The following NTRK2 variants were observed in gnomAD, a reference collection of about 807,000 sequenced individuals.
NTRK2 encodes the protein neurotrophic receptor tyrosine kinase 2.
A neutral mutation model predicts 94.5 loss-of-function variants in NTRK2; 13 were observed. That is an observed-to-expected ratio of 0.14 (90% CI 0.09 to 0.22). The LOEUF (loss-of-function observed/expected upper bound fraction) is 0.22. NTRK2 is among the 10% of genes least tolerant of loss of function. The pLI is 1.00. For missense variants in NTRK2, 639 were observed against 1,071.2 expected (o/e 0.60, Z 5.63); for synonymous variants, 372 against 407.4 (o/e 0.91, Z 1.05).
chr9:84,791,792 T>A (rs781222749), intron 12 of NTRK2, among the ~76,000 whole-genome samples: 16 of 152,252 alleles, frequency 1.1e-4, no homozygotes, highest in Non-Finnish European at 1.9e-4. Flanking sequence ...TTTTTTAGAA[T>A]GATCTCTGAA....
intron 14 of NTRK2, among the ~76,000 whole-genome samples, chr9:84,907,409 G>C (rs989685504): frequency 1.3e-5 from 2 of 152,132 alleles, no homozygotes; most frequent in Admixed American, 1.3e-4. Context: ...TTGGCATTTT[G>C]GTAAAAATGG....
intron 17 of NTRK2, among the ~76,000 whole-genome samples, chr9:84,997,190 T>C (rs920925713): frequency 1.3e-5 from 2 of 152,076 alleles, no homozygotes; most frequent in African/African-American, 4.8e-5. Flanking sequence ...CAGGTAGGTA[T>C]AGGGTTGGGC....
intron 12 of NTRK2, among the ~76,000 whole-genome samples, chr9:84,840,565 C>A (rs118016616): frequency 0.016 from 2,436 of 152,204 alleles, 15 homozygotes; most frequent in Non-Finnish European, 0.024. Flanking sequence ...TGTCCACTCT[C>A]TTTCCTGCAG....
At chr9:84,728,237 C>T (rs2062599926) in intron 9 of NTRK2, among the ~76,000 whole-genome samples, 1 of 152,120 alleles carries the variant, frequency 6.6e-6, no homozygotes, top group East Asian at 1.9e-4. Flanking sequence ...CTTCCTAAGG[C>T]CTAGATTCAG....
At chr9:84,711,396 G>T (rs1393366110) in intron 6 of NTRK2, among the ~76,000 whole-genome samples, 1 of 152,140 alleles carries the variant, frequency 6.6e-6, no homozygotes, top group Non-Finnish European at 1.5e-5. Flanking sequence ...ATTTAAAAGG[G>T]CACCGAATGG....
chr9:84,754,509 G>A (rs987818659), intron 12 of NTRK2, among the ~76,000 whole-genome samples: 4 of 152,186 alleles, frequency 2.6e-5, no homozygotes, highest in Admixed American at 6.5e-5. Context: ...AAACATTAAT[G>A]TGAGTCAGTG....
In NTRK2 at chr9:85,023,367, T is replaced by C. The variant is rs1832876361; in HGVS notation, c.*1930T>C. The C allele has an allele frequency of 4.3e-6, 1 of 232,438 alleles. No individual in the cohort carries two copies. The highest frequency in any genetic ancestry group is 8.5e-6 in the Non-Finnish European group (1 of 117,656). The allele number at this position is 232,438 out of a possible 1,614,324, so 14.4% of individuals were successfully genotyped here. On this transcript the variant is annotated 3_prime_UTR_variant, in exon 19 of 19. Transcript: ENST00000277120. ...GAAGGTGCGATAGCTCTGTTTTAGGTTTTGCTTGCGCCTGTTAATTACTGG... is the reference window on the plus strand; with the variant it reads ...GAAGGTGCGATAGCTCTGTTTTAGGCTTTGCTTGCGCCTGTTAATTACTGG...
chr9:84,926,168 TCC>T (rs2077789192), intron 14 of NTRK2, among the ~76,000 whole-genome samples: 1 of 62,882 alleles, frequency 1.6e-5, no homozygotes, highest in African/African-American at 5.3e-5. Context: ...CTTCCTTCCT[TCC>T]TTTCTTTCTT....
chr9:84,913,192 G>A (rs1345834933), intron 14 of NTRK2, among the ~76,000 whole-genome samples: 4 of 151,958 alleles, frequency 2.6e-5, no homozygotes, highest in Non-Finnish European at 4.4e-5. Context: ...TTATTTACCT[G>A]TAGTGTTTTG....
intron 12 of NTRK2, among the ~76,000 whole-genome samples, chr9:84,801,432 C>T (rs909063854): frequency 2.6e-5 from 4 of 152,166 alleles, no homozygotes; most frequent in Non-Finnish European, 5.9e-5. Context: ...TAGGATGGTT[C>T]AACTTAGAAT....
chr9:84,880,892 A>G (rs2076235076), intron 14 of NTRK2, among the ~76,000 whole-genome samples: 1 of 152,232 alleles, frequency 6.6e-6, no homozygotes, highest in African/African-American at 2.4e-5. Flanking sequence ...AGTTTGGAGT[A>G]TGAATTATTC....
At chr9:84,880,455 C>T (rs1454544091) in intron 14 of NTRK2, among the ~76,000 whole-genome samples, 1 of 152,214 alleles carries the variant, frequency 6.6e-6, no homozygotes, top group Non-Finnish European at 1.5e-5. Context: ...AAGTACTCCT[C>T]TGGCTCACCT....
rs1487907952 is a variant in NTRK2, at chr9:84,944,783, G to C, written c.1765-3679G>C. Among the ~76,000 whole-genome samples the C allele has an allele frequency of 3.3e-5, 5 of 152,182 alleles. No homozygotes were observed. In the East Asian group the frequency reaches 9.6e-4, roughly 29 times the overall value. On this transcript the variant is annotated intron_variant, in intron 15 of 18. Coordinates refer to ENST00000277120, the MANE Select transcript of NTRK2 (RefSeq NM_006180.6). ...TATTCATGCATACTTTGACCTTCTT[G>C]GATTCTTACGTGAGCAAACTGAATA...
chr9:84,845,264 C>CAA (rs1389284988), intron 12 of NTRK2, among the ~76,000 whole-genome samples: 1 of 151,898 alleles, frequency 6.6e-6, no homozygotes, highest in Non-Finnish European at 1.5e-5. Context: ...CACACACACA[C>CAA]ACACACACAC....
chr9:84,978,530 A>G (rs1827184623), intron 17 of NTRK2, among the ~76,000 whole-genome samples: 1 of 152,250 alleles, frequency 6.6e-6, no homozygotes, highest in Admixed American at 6.5e-5. Flanking sequence ...TTAAGGAAAG[A>G]AGCCATCTCC....
At chr9:84,977,241 A>T (rs1826993236) in intron 17 of NTRK2, among the ~76,000 whole-genome samples, 1 of 145,862 alleles carries the variant, frequency 6.9e-6, no homozygotes, top group African/African-American at 2.7e-5. Flanking sequence ...CCTGAACATA[A>T]CTCACATCTG....
upstream of NTRK2, chr9:84,669,304 C>G (rs1359926954): frequency 1.3e-5 from 2 of 152,640 alleles, no homozygotes; most frequent in Non-Finnish European, 2.9e-5. The surrounding 1 kb of genome is among the most constrained non-coding windows in gnomAD (Gnocchi z 4.1). Context: ...TTTTTCAGAG[C>G]TGAACCAAGC....
At chr9:84,851,392 T>A (rs2074761751) in intron 12 of NTRK2, among the ~76,000 whole-genome samples, 1 of 152,224 alleles carries the variant, frequency 6.6e-6, no homozygotes, top group African/African-American at 2.4e-5. Flanking sequence ...CAGCATTGCA[T>A]TTTAAATAAT....
intron 15 of NTRK2, among the ~76,000 whole-genome samples, chr9:84,940,524 T>C (rs1360394687): frequency 1.3e-5 from 2 of 152,220 alleles, no homozygotes; most frequent in Non-Finnish European, 2.9e-5. Flanking sequence ...GAAAATACTA[T>C]GGTCCAGTTC....
Sources: allele counts gnomAD v4.1 joint callset (sites outside exome capture counted in the v4.1 genomes callset), GRCh38; gene constraint gnomAD v4.1.1; non-coding constraint Gnocchi (gnomAD v3.1); transcripts MANE v1.5; gene names NCBI Gene and HGNC (gene_info 2026-07-23, HGNC 2026-07-21).